SEMA5A: variants seen among roughly 807,000 people sequenced by gnomAD.
SEMA5A encodes semaphorin-5A.
SEMA5A carries 55 observed loss-of-function variants against 135.5 expected under a neutral mutation model. That is an observed-to-expected ratio of 0.41 (90% CI 0.33 to 0.51). The LOEUF (loss-of-function observed/expected upper bound fraction) is 0.51, where lower values mean the gene tolerates loss of function less well. SEMA5A is among the 20% of genes least tolerant of loss of function. The probability of loss-of-function intolerance (pLI) is 0.37; values close to 1 mark genes in which losing one functional copy is unlikely to be tolerated. For synonymous variants in SEMA5A, 580 were observed against 546.5 expected (o/e 1.06, Z -0.85); for missense variants, 1,290 against 1,419.9 (o/e 0.91, Z 1.47).
intron 1 of SEMA5A, among the ~76,000 whole-genome samples, chr5:9,536,314 T>A (rs1056376341): frequency 6.6e-6 from 1 of 152,066 alleles, no homozygotes; most frequent in Non-Finnish European, 1.5e-5. Context: ...AGAGCAGCCC[T>A]ATGCAAAAAG....
chr5:9,169,963 G>C (rs1743823580), intron 11 of SEMA5A, among the ~76,000 whole-genome samples: 1 of 152,194 alleles, frequency 6.6e-6, no homozygotes, highest in South Asian at 2.1e-4. Flanking sequence ...CTGATGTTTG[G>C]ATACTGGGCT....
chr5:9,390,784 C>T (rs1331979051), intron 2 of SEMA5A, among the ~76,000 whole-genome samples: 3 of 151,656 alleles, frequency 2.0e-5, no homozygotes, highest in African/African-American at 7.3e-5. Flanking sequence ...ATTACCAAGA[C>T]ATATCATATA....
chr5:9,408,047 T>A (rs1490971813), intron 2 of SEMA5A, among the ~76,000 whole-genome samples: 1 of 150,098 alleles, frequency 6.7e-6, no homozygotes, highest in Non-Finnish European at 1.5e-5. Flanking sequence ...ACCATCACTA[T>A]GACCATCACC....
intron 1 of SEMA5A, among the ~76,000 whole-genome samples, chr5:9,521,489 TC>T (rs1193302894): frequency 8.7e-6 from 1 of 114,502 alleles, no homozygotes; most frequent in East Asian, 2.1e-4. Context: ...ATGCTCTCTA[TC>T]TAGAAATAAT....
chr5:9,303,119 ATTT>A (rs527501004), intron 5 of SEMA5A, among the ~76,000 whole-genome samples: 1 of 142,834 alleles, frequency 7.0e-6, no homozygotes. Flanking sequence ...TATATATATA[ATTT>A]TTTTTTTTTT....
At chr5:9,403,441 T>C (rs1459078523) in intron 2 of SEMA5A, among the ~76,000 whole-genome samples, 1 of 152,150 alleles carries the variant, frequency 6.6e-6, no homozygotes, top group Non-Finnish European at 1.5e-5. Context: ...TTTAAGTCTC[T>C]GTACTGCCCC....
chr5:9,309,993 T>G (rs1415116998), intron 5 of SEMA5A, among the ~76,000 whole-genome samples: 1 of 130,836 alleles, frequency 7.6e-6, no homozygotes, highest in East Asian at 2.3e-4. Flanking sequence ...ATGTAATTAT[T>G]ACACAGCGAG....
chr5:9,245,718 G>C (rs927786823), intron 5 of SEMA5A, among the ~76,000 whole-genome samples: 2 of 152,072 alleles, frequency 1.3e-5, no homozygotes, highest in Non-Finnish European at 2.9e-5. Flanking sequence ...TCTGTACATG[G>C]TATACATTTT....
chr5:9,421,071 T>C (rs1375460313), intron 2 of SEMA5A, among the ~76,000 whole-genome samples: 1 of 152,186 alleles, frequency 6.6e-6, no homozygotes, highest in Admixed American at 6.5e-5. Context: ...TTCATACTTT[T>C]GCAAGCTCAC....
At chr5:9,379,295 A>G (rs1755492640) in intron 3 of SEMA5A, among the ~76,000 whole-genome samples, 1 of 152,216 alleles carries the variant, frequency 6.6e-6, no homozygotes, top group African/African-American at 2.4e-5. Context: ...AGGACCTTAA[A>G]TAAATTTCAA....
chr5:9,353,030 A>G (rs13164475), intron 3 of SEMA5A, among the ~76,000 whole-genome samples: 1 of 147,734 alleles, frequency 6.8e-6, no homozygotes, highest in African/African-American at 2.5e-5. Context: ...AATGAAAGAA[A>G]GAACAAAAGA....
intron 1 of SEMA5A, among the ~76,000 whole-genome samples, chr5:9,494,507 GC>G (rs1735201583): frequency 6.6e-6 from 1 of 152,058 alleles, no homozygotes; most frequent in Non-Finnish European, 1.5e-5. Context: ...CATCAGGAGG[GC>G]AGATGCTTCC....
chr5:9,041,863 G>A lies in SEMA5A; in HGVS notation c.*1034C>T, dbSNP rs193086653. ...TGCCACACATTGGGTATATCAGAGA[G>A]ATGAAAAATAAAATGATTATCATTA... is the stretch of plus-strand genomic sequence containing the variant. On this transcript the variant is annotated 3_prime_UTR_variant, in exon 23 of 23. Transcript: ENST00000382496. The A allele has an allele frequency of 2.0e-3, 304 of 152,704 alleles. No homozygotes were observed. Among genetic ancestry groups the A allele is most frequent in the African/African-American group, 6.6e-3 (276 of 41,552 alleles). The allele number at this position is 152,704 out of a possible 1,614,324, so 9.5% of individuals were successfully genotyped here.
intron 15 of SEMA5A, among the ~76,000 whole-genome samples, chr5:9,109,976 A>C (rs1226963356): frequency 1.3e-5 from 2 of 152,062 alleles, no homozygotes; most frequent in African/African-American, 4.8e-5. Flanking sequence ...TTTCATGGGG[A>C]ATGTGTGGGC....
intron 5 of SEMA5A, among the ~76,000 whole-genome samples, chr5:9,308,594 C>CA (rs1751981641): frequency 6.6e-6 from 1 of 152,052 alleles, no homozygotes; most frequent in South Asian, 2.1e-4. Context: ...ACCTAAAACC[C>CA]ATATTTGAAT....
chr5:9,205,557 C>T (rs899017881), intron 8 of SEMA5A, among the ~76,000 whole-genome samples: 2 of 152,132 alleles, frequency 1.3e-5, no homozygotes, highest in Non-Finnish European at 2.9e-5. Context: ...GACTGACCCA[C>T]AGTTTCCTCT....
intron 10 of SEMA5A, among the ~76,000 whole-genome samples, chr5:9,196,743 T>A (rs1376718736): frequency 1.3e-5 from 2 of 152,172 alleles, no homozygotes; most frequent in African/African-American, 2.4e-5. Context: ...CAACAGGGAA[T>A]CCCACCACAT....
chr5:9,465,365 T>G (rs1456485630), intron 1 of SEMA5A, among the ~76,000 whole-genome samples: 1 of 152,178 alleles, frequency 6.6e-6, no homozygotes, highest in Non-Finnish European at 1.5e-5. Context: ...CTTGAAATGG[T>G]TGGGAGAAAT....
At chr5:9,355,929 G>A (rs779080772) in intron 3 of SEMA5A, among the ~76,000 whole-genome samples, 1 of 152,164 alleles carries the variant, frequency 6.6e-6, no homozygotes, top group African/African-American at 2.4e-5. Flanking sequence ...GTTCACTGTA[G>A]AATTTCAGAG....
Sources: allele counts gnomAD v4.1 joint callset (sites outside exome capture counted in the v4.1 genomes callset), GRCh38; gene constraint gnomAD v4.1.1; transcripts MANE v1.5; gene names NCBI Gene and HGNC (gene_info 2026-07-23, HGNC 2026-07-21).